The following PSME4 variants were observed in gnomAD, a reference collection of about 807,000 sequenced individuals.
PSME4 encodes the protein proteasome activator subunit 4, also known as proteasome activator complex subunit 4.
Under a neutral mutation model 253.9 loss-of-function variants are expected in PSME4, and 89 were observed. The observed-to-expected ratio is 0.35, with a 90% CI of 0.30 to 0.42. PSME4 has a LOEUF of 0.42. Ranked by LOEUF, PSME4 falls within the 10% of genes least tolerant of loss-of-function variation. PSME4 has a pLI of 1.00. For synonymous variants in PSME4, 851 were observed against 759.2 expected, an observed-to-expected ratio of 1.12 and a Z score of -1.99; for missense variants, 2,014 against 2,195.2, an observed-to-expected ratio of 0.92 and a Z score of 1.65.
At chr2:53,966,648 G>A (rs771980879) in intron 1 of PSME4, among the ~76,000 whole-genome samples, 6 of 151,998 alleles carry the variant, frequency 3.9e-5, no homozygotes, top group Non-Finnish European at 8.8e-5. Flanking sequence ...ACGAGCACCC[G>A]CAGCCCCTCA....
rs1689246425 is a variant in PSME4 at position 53,940,987 on chromosome 2, A to AT, written c.501-988dup. Among the ~76,000 whole-genome samples, 6 of 90,396 alleles carry AT rather than the reference A, an allele frequency of 6.6e-5. No homozygotes were observed. In the South Asian group the frequency reaches 2.1e-3, roughly 31 times the overall value. 59.3% of individuals were successfully genotyped at this position (90,396 alleles called of 152,430 possible). On this transcript the variant is annotated intron_variant, in intron 3 of 46. Transcript: ENST00000404125. ...TATATATATATATATATATATATAT[A>AT]TATATATATATATGAAAGGAGTAAG...
At position 53,874,507 on chromosome 2, in the gene PSME4, A is replaced by C; in HGVS notation, c.4945-13T>G. ...TGCTTCTTGCTGTCTGTGAATGACA[A>C]ATAAATATAAACGATAAAGCAGTAC... is the stretch of plus-strand genomic sequence containing the variant. On this transcript the variant is annotated splice_polypyrimidine_tract_variant and intron_variant, in intron 42 of 46. Coordinates refer to ENST00000404125, the MANE Select transcript of PSME4 (RefSeq NM_014614.3). The C allele has an allele frequency of 6.2e-7, 1 of 1,612,146 alleles. No homozygotes were observed. Among genetic ancestry groups the C allele is most frequent in the Non-Finnish European group, 8.5e-7 (1 of 1,179,254 alleles).
chr2:53,928,406 G>C (rs1573311204), intron 10 of PSME4, 103 bp from the exon 11 acceptor site: 2 of 937,796 alleles, frequency 2.1e-6, no homozygotes, highest in East Asian at 5.3e-5. Flanking sequence ...TGACTTAAAG[G>C]CTTACAGTTA....
At chr2:53,890,797 G>T (rs1457233988) in intron 36 of PSME4, among the ~76,000 whole-genome samples, 2 of 152,190 alleles carry the variant, frequency 1.3e-5, no homozygotes, top group Non-Finnish European at 2.9e-5. Flanking sequence ...GGAGGCCAAG[G>T]CAGGAGGATC....
intron 1 of PSME4, among the ~76,000 whole-genome samples, chr2:53,956,742 G>A (rs1422928001): frequency 1.3e-5 from 2 of 151,046 alleles, no homozygotes; most frequent in Admixed American, 1.3e-4. Context: ...CTGGCTAATA[G>A]GAATTATTTT....
chr2:53,956,462 G>C (rs1010085225), intron 1 of PSME4, among the ~76,000 whole-genome samples: 4 of 151,592 alleles, frequency 2.6e-5, no homozygotes, highest in African/African-American at 9.7e-5. Flanking sequence ...CCCGGGAGGC[G>C]GAGGTTGTAG....
intron 34 of PSME4, 33 bp downstream of exon 34, chr2:53,894,974 T>A: frequency 6.4e-7 from 1 of 1,565,362 alleles, no homozygotes. Flanking sequence ...CAAAACAAGA[T>A]GCATTTGAAC....
intron 40 of PSME4, among the ~76,000 whole-genome samples, chr2:53,886,907 C>G (rs1679665127): frequency 6.6e-6 from 1 of 151,930 alleles, no homozygotes; most frequent in African/African-American, 2.4e-5. Flanking sequence ...AAGCCAGACA[C>G]AAAAAAGACT....
chr2:53,960,280 T>C (rs973473443), intron 1 of PSME4, among the ~76,000 whole-genome samples: 31 of 151,976 alleles, frequency 2.0e-4, no homozygotes, highest in African/African-American at 7.0e-4. Context: ...GCGCCTGTAA[T>C]CCTAGCTTCT....
At chr2:53,945,082 A>G (rs530688321) in intron 3 of PSME4, among the ~76,000 whole-genome samples, 33 of 152,330 alleles carry the variant, frequency 2.2e-4, no homozygotes, top group Admixed American at 9.1e-4. Context: ...AAACCAAATT[A>G]GTGGTAATAC....
rs1679971560 is a variant in PSME4, at chr2:53,892,844, A to G, written c.4155T>C (p.Gly1385=). 2.5e-6 allele frequency: 4 copies of G among 1,613,752 alleles called. No individual in the cohort carries two copies. Among genetic ancestry groups the G allele is most frequent in the Non-Finnish European group, 3.4e-6 (4 of 1,179,838 alleles). ...TQRCVAEIIA[G]LIRGSKHWTF... ...TCCAGTGCTTAGAACCTCTGATTAA[A>G]CCAGCTATAATTTCTGCAACACATC... The change falls in exon 36 of 47, where the codon GGT becomes GGC. Residue 1385 remains glycine, a synonymous_variant. Transcript: ENST00000404125.
intron 43 of PSME4, among the ~76,000 whole-genome samples, chr2:53,871,873 G>T (rs913628485): frequency 1.3e-5 from 2 of 151,864 alleles, no homozygotes; most frequent in African/African-American, 4.8e-5. Flanking sequence ...AATTAGCTGG[G>T]CATGGTGGTA....
intron 17 of PSME4, 140 bp from the exon 18 acceptor site, chr2:53,921,244 T>G: frequency 7.9e-7 from 1 of 1,272,916 alleles, no homozygotes; most frequent in South Asian, 1.4e-5. Context: ...TCACTTTAAC[T>G]GCATTCTAAT....
Position 53,921,078 on chromosome 2 carries a change from C to A in PSME4, c.2073G>T (p.Leu691Phe), listed in dbSNP as rs753786033. ...TTACAAGCTGCTCCCTATAAAGAAG[C>A]AACTTCCTTCCATCCACTCGAGTAA... ...SEITRVDGRK[L>F]LLYREQLVKI... Residue 691 changes from leucine to phenylalanine, a missense_variant, in exon 18 of 47, where the codon TTG becomes TTT. Around this residue, in one of 4 missense-constraint regions of PSME4, gnomAD observed 989 missense variants for 1,021.1 expected, o/e 0.97. Transcript: ENST00000404125. The A allele has an allele frequency of 6.2e-7, 1 of 1,613,550 alleles. No individual in the cohort carries two copies. The highest frequency in any genetic ancestry group is 1.1e-5 in the South Asian group (1 of 91,002).
chr2:53,912,762 T>C (rs1667882516), intron 20 of PSME4, among the ~76,000 whole-genome samples: 2 of 152,200 alleles, frequency 1.3e-5, no homozygotes, highest in South Asian at 2.1e-4. Flanking sequence ...CATAGTATCC[T>C]ACCTCTTCTG....
intron 10 of PSME4, among the ~76,000 whole-genome samples, chr2:53,929,338 C>G (rs1307375152): frequency 6.6e-6 from 1 of 152,152 alleles, no homozygotes; most frequent in African/African-American, 2.4e-5. Context: ...CTGCCCCAGG[C>G]TGGAGTGCAG....
At chr2:53,963,331 C>CA (rs1482240453) in intron 1 of PSME4, among the ~76,000 whole-genome samples, 44 of 149,570 alleles carry the variant, frequency 2.9e-4, no homozygotes, top group East Asian at 5.9e-4. Flanking sequence ...ACCATCTCTT[C>CA]AAAAAAAAAC....
At chr2:53,931,106 C>T (rs1668809569) in intron 10 of PSME4, among the ~76,000 whole-genome samples, 5 of 152,174 alleles carry the variant, frequency 3.3e-5, no homozygotes, top group Admixed American at 2.0e-4. Flanking sequence ...GGTGAAACGC[C>T]GTCTCTACTA....
intron 1 of PSME4, among the ~76,000 whole-genome samples, chr2:53,967,679 A>AAAAAAAAAAG (rs1670808609): frequency 7.1e-6 from 1 of 139,944 alleles, no homozygotes; most frequent in African/African-American, 2.8e-5. Flanking sequence ...AAAAAAAAAA[A>AAAAAAAAAAG]GTCAAAAAGA....
Sources: gnomAD v4.1 joint callset for allele counts (sites outside exome capture counted in the v4.1 genomes callset) on GRCh38, gnomAD v4.1.1 for gene constraint, gnomAD v4.1.1 regional missense constraint, MANE v1.5 for transcripts, NCBI Gene and HGNC (gene_info 2026-07-23, HGNC 2026-07-21) for gene names.